Variants in KCNAB2 observed in about 807,000 individuals in gnomAD.
The protein encoded by KCNAB2 is voltage-gated potassium channel subunit beta-2.
A neutral mutation model predicts 63.6 loss-of-function variants in KCNAB2; 29 were observed. The ratio of observed to expected loss-of-function variants is 0.46; its 90% CI spans 0.34 to 0.62. The LOEUF (loss-of-function observed/expected upper bound fraction) is 0.62. KCNAB2 is among the 20% of genes least tolerant of loss of function. The pLI, the probability that KCNAB2 is intolerant of heterozygous loss-of-function variation, is 0.01. For missense variants in KCNAB2, 359 were observed against 563.9 expected (o/e 0.64, Z 3.68); for synonymous variants, 222 against 224.2 (o/e 0.99, Z 0.09).
rs902148919 is a variant in KCNAB2, at chr1:6,098,634, T to G, written c.*60T>G. On this transcript the variant is annotated 3_prime_UTR_variant, in exon 16 of 16. Coordinates refer to ENST00000378083, the MANE Select transcript of KCNAB2 (RefSeq NM_001199862.2). ...TCCCTCCTAGTCTCTGTTCGCTCGCTTAAGCTGTTTTGAAGCCAAGTGAAG... is the reference window on the plus strand; with the variant it reads ...TCCCTCCTAGTCTCTGTTCGCTCGCGTAAGCTGTTTTGAAGCCAAGTGAAG... 4.4e-6 allele frequency: 7 copies of G among 1,581,488 alleles called. No homozygotes were observed. In the Middle Eastern group the frequency reaches 6.7e-4, roughly 151 times the overall value.
rs955016090 is a variant in KCNAB2 at position 6,035,025 on chromosome 1, A to G, written c.-53+231A>G. On this transcript the variant is annotated intron_variant, in intron 1 of 15. Transcript: ENST00000164247. The surrounding 1 kb of genome is among the most constrained non-coding windows in gnomAD (Gnocchi z 5.0). ...ACCAGGGAGTGTGGGGGAGACGGGG[A>G]CTGCGATGAAAGGGAGGCGTCCAGG... 1.3e-5 allele frequency among the ~76,000 whole-genome samples: 2 copies of G among 152,166 alleles called. No homozygotes were observed. The highest frequency in any genetic ancestry group is 2.9e-5 in the Non-Finnish European group (2 of 68,028).
At position 6,078,486 on chromosome 1, in the gene KCNAB2, C is replaced by T. The variant is rs548698425; in HGVS notation, c.301-3709C>T. Among the ~76,000 whole-genome samples the T allele has an allele frequency of 3.2e-4, 49 of 151,998 alleles. No homozygotes were observed. Among genetic ancestry groups the T allele is most frequent in the Non-Finnish European group, 5.4e-4 (37 of 68,010 alleles). On this transcript the variant is annotated intron_variant, in intron 4 of 15. Transcript: ENST00000378083. The surrounding 1 kb of genome is among the most constrained non-coding windows in gnomAD (Gnocchi z 4.2). ...CGACAGGGTGGTCAGGAAGCAGAAG[C>T]GAGCAAGGACGCCACGTGGTGGTCC...
chr1:6,083,417 C>T (rs1231778151), intron 5 of KCNAB2, among the ~76,000 whole-genome samples: 1 of 152,210 alleles, frequency 6.6e-6, no homozygotes, highest in Non-Finnish European at 1.5e-5. Flanking sequence ...ACACTCCGTC[C>T]TCTGTCACTC....
chr1:6,042,709 C>T (rs1660591917), upstream of KCNAB2, among the ~76,000 whole-genome samples: 10 of 152,160 alleles, frequency 6.6e-5, no homozygotes, highest in Admixed American at 5.9e-4. Context: ...GCGGTCAGGC[C>T]GGGAGGTCTC....
chr1:6,092,031 C>T (rs891295954), intron 10 of KCNAB2, among the ~76,000 whole-genome samples: 1 of 152,112 alleles, frequency 6.6e-6, no homozygotes, highest in Non-Finnish European at 1.5e-5. Context: ...TGTCGATCTC[C>T]CTGGGCCTGG....
intron 1 of KCNAB2, among the ~76,000 whole-genome samples, chr1:5,997,316 A>G (rs1360161040): frequency 2.0e-5 from 3 of 152,060 alleles, no homozygotes; most frequent in African/African-American, 7.2e-5. Context: ...TTCACAGTGG[A>G]GAAGGATGGA....
chr1:6,097,672 T>C, intron 15 of KCNAB2: 1 of 565,118 alleles, frequency 1.8e-6, no homozygotes, highest in Non-Finnish European at 3.2e-6. Context: ...GCCTGTCAGG[T>C]GGGCTTGTTG....
chr1:6,075,201 T>C (rs1343602438), intron 4 of KCNAB2, among the ~76,000 whole-genome samples: 4 of 152,218 alleles, frequency 2.6e-5, no homozygotes, highest in Non-Finnish European at 4.4e-5. Context: ...GAGAATTCTG[T>C]AGAACGGCAT....
At chr1:6,041,904 C>A, upstream of KCNAB2, 2 of 1,607,920 alleles carry the variant, frequency 1.2e-6, no homozygotes, top group Non-Finnish European at 8.5e-7. Flanking sequence ...TAAAACCCAG[C>A]GAGCCGAAGG....
chr1:6,032,043 C>A (rs530302013), upstream of KCNAB2, among the ~76,000 whole-genome samples: 1 of 152,178 alleles, frequency 6.6e-6, no homozygotes, highest in Non-Finnish European at 1.5e-5. Context: ...ACCAGCAATG[C>A]CTTCCTGGGG....
chr1:6,075,611 G>A (rs578150317), intron 4 of KCNAB2, among the ~76,000 whole-genome samples: 6 of 152,332 alleles, frequency 3.9e-5, no homozygotes, highest in Non-Finnish European at 5.9e-5. Flanking sequence ...GGGGGGGCCC[G>A]CCTGGCTGCG....
intron 2 of KCNAB2, among the ~76,000 whole-genome samples, chr1:6,063,053 G>A (rs935817686): frequency 1.1e-4 from 17 of 149,796 alleles, no homozygotes; most frequent in Non-Finnish European, 2.4e-4. Flanking sequence ...TTTTGAGACG[G>A]AATCTCACTG....
intron 1 of KCNAB2, among the ~76,000 whole-genome samples, chr1:6,015,557 C>T (rs1049066606): frequency 2.6e-5 from 4 of 152,250 alleles, no homozygotes; most frequent in East Asian, 3.8e-4. Context: ...GTTTGCCCTT[C>T]CCTGCCATAG....
chr1:6,064,942 G>A (rs540175433), intron 2 of KCNAB2, among the ~76,000 whole-genome samples: 26 of 152,320 alleles, frequency 1.7e-4, no homozygotes, highest in South Asian at 8.3e-4. Context: ...TGTATTGAGC[G>A]TCTGCTGTAA....
Position 6,078,802 on chromosome 1 carries a change from A to G in KCNAB2, c.301-3393A>G, listed in dbSNP as rs1272194233. 6.6e-6 allele frequency among the ~76,000 whole-genome samples: 1 copy of G among 151,540 alleles called. No individual in the cohort carries two copies. The highest frequency in any genetic ancestry group is 2.5e-5 in the African/African-American group (1 of 40,794). ...GCACGATCCCATGTACTCGGAAGGC[A>G]CATCCTGATGTGGCAGGGCTGTCGT... On this transcript the variant is annotated intron_variant, in intron 4 of 15. Coordinates refer to ENST00000378083, the MANE Select transcript of KCNAB2 (RefSeq NM_001199862.2). This position sits in a 1 kb window ranked among gnomAD's most constrained non-coding sequence, Gnocchi z 4.2.
Position 6,015,656 on chromosome 1 carries a change from A to G in KCNAB2, c.-53+22868A>G, listed in dbSNP as rs145020104. On this transcript the variant is annotated intron_variant, in intron 1 of 16. Coordinates refer to the KCNAB2 transcript ENST00000341524. ...GGGTCAGTGTTGGGTTTGCTATGCT[A>G]ATATTGATTTGGAGCTTTAGAGATT... Among the ~76,000 whole-genome samples the G allele has an allele frequency of 5.3e-3, 803 of 152,258 alleles. 6 individuals are homozygous for G. Among genetic ancestry groups the G allele is most frequent in the African/African-American group, 0.018 (731 of 41,536 alleles).
At chr1:6,040,415 C>G in intron 1 of KCNAB2, 1 of 667,156 alleles carries the variant, frequency 1.5e-6, no homozygotes, top group South Asian at 1.7e-5. Flanking sequence ...TGAACCCAGA[C>G]AGCCTCCTCA....
chr1:6,037,615 C>T (rs999458987), intron 1 of KCNAB2, among the ~76,000 whole-genome samples: 5 of 152,188 alleles, frequency 3.3e-5, no homozygotes, highest in African/African-American at 7.2e-5. Flanking sequence ...GTCCTCCGAT[C>T]GAAAGCACAG....
intron 2 of KCNAB2, among the ~76,000 whole-genome samples, chr1:6,056,049 C>A (rs1661794488): frequency 7.3e-6 from 1 of 137,072 alleles, no homozygotes; most frequent in Admixed American, 7.2e-5. Flanking sequence ...GTTACACTTC[C>A]CCAGTTTTTT....
Sources: gnomAD v4.1 joint callset for allele counts (sites outside exome capture counted in the v4.1 genomes callset) on GRCh38, gnomAD v4.1.1 for gene constraint, Gnocchi (gnomAD v3.1) non-coding constraint, MANE v1.5 for transcripts, NCBI Gene and HGNC (gene_info 2026-07-23, HGNC 2026-07-21) for gene names.